The following CACNA1B variants were observed in gnomAD, a reference collection of about 807,000 sequenced individuals.
CACNA1B encodes the protein voltage-dependent N-type calcium channel subunit alpha-1B.
Under a neutral mutation model 247.2 loss-of-function variants are expected in CACNA1B, and 70 were observed. The observed-to-expected ratio is 0.28, with a 90% CI of 0.23 to 0.35. The LOEUF (loss-of-function observed/expected upper bound fraction) is 0.35. Ranked by LOEUF, CACNA1B falls within the 10% of genes least tolerant of loss-of-function variation. CACNA1B has a pLI of 1.00. For missense variants in CACNA1B, 2,367 were observed against 3,197.4 expected, an observed-to-expected ratio of 0.74 and a Z score of 6.26; for synonymous variants, 1,231 against 1,294.4, an observed-to-expected ratio of 0.95 and a Z score of 1.05.
chr9:138,033,035 T>C (rs1959004062), intron 20 of CACNA1B, among the ~76,000 whole-genome samples: 1 of 152,200 alleles, frequency 6.6e-6, no homozygotes, highest in Non-Finnish European at 1.5e-5. Flanking sequence ...TCTTTTGTTA[T>C]AGTCCCAAAG....
At chr9:137,904,513 T>C (rs1348731474) in intron 3 of CACNA1B, among the ~76,000 whole-genome samples, 1 of 151,846 alleles carries the variant, frequency 6.6e-6, no homozygotes, top group African/African-American at 2.4e-5. Flanking sequence ...TACAGGTGTG[T>C]GCCACCATGC....
chr9:137,908,672 C>T (rs1957324086), intron 3 of CACNA1B, among the ~76,000 whole-genome samples: 1 of 151,862 alleles, frequency 6.6e-6, no homozygotes, highest in Admixed American at 6.6e-5. Flanking sequence ...GCTCTGTCGC[C>T]CAGGCTTGAC....
intron 42 of CACNA1B, among the ~76,000 whole-genome samples, chr9:138,117,319 A>G (rs2606358): frequency 0.5 from 75,307 of 151,748 alleles, 19,887 homozygotes; most frequent in Non-Finnish European, 0.57. Context: ...AGGAGCCACC[A>G]GCAAGGGACC....
chr9:137,977,977 C>T (rs769977748), intron 12 of CACNA1B, among the ~76,000 whole-genome samples: 20 of 145,384 alleles, frequency 1.4e-4, no homozygotes, highest in Non-Finnish European at 2.3e-4. Context: ...GGAGTACTAC[C>T]CTCCCTCCCA....
chr9:137,913,306 G>A lies in CACNA1B; in HGVS notation c.622+35G>A. 6.6e-7 allele frequency: 1 copy of A among 1,523,282 alleles called. No homozygotes were observed. Among genetic ancestry groups the A allele is most frequent in the Non-Finnish European group, 9.1e-7 (1 of 1,098,298 alleles). The allele number at this position is 1,523,282 out of a possible 1,614,324, so 94.4% of individuals were successfully genotyped here. A position where few individuals can be genotyped will look rare whatever the true frequency, so the allele number is the denominator to read the frequency against. On this transcript the variant is annotated intron_variant, in intron 4 of 46. Coordinates refer to ENST00000371372, the MANE Select transcript of CACNA1B (RefSeq NM_000718.4). This position sits in a 1 kb window ranked among gnomAD's most constrained non-coding sequence, Gnocchi z 5.2. ...GCGAAGACAGGCCCAAGCCGGCTTG[G>A]AGTAACAACCTCCTCTCCTACCCTC...
At chr9:137,921,157 T>C (rs1037574109) in intron 6 of CACNA1B, among the ~76,000 whole-genome samples, 3 of 152,204 alleles carry the variant, frequency 2.0e-5, no homozygotes, top group Non-Finnish European at 4.4e-5. Context: ...CCAAGGCTGA[T>C]ACTGGGGAGA....
In CACNA1B at chr9:138,023,764, G is replaced by C. The variant is rs1304722594; in HGVS notation, c.3021G>C (p.Glu1007Asp). ...AGGAGGCCACGGAGAAGGAGGCTGA[G>C]ATAGTGGAAGCCGACAAGGAAAAGG... ...TEKEATEKEA[E>D]IVEADKEKEL... Residue 1007 changes from glutamate (E) to aspartate (D), a missense_variant, in exon 19 of 47, where the codon GAG (glutamate) becomes GAC (aspartate). By Grantham distance (45) the Glu-to-Asp change is conservative. Around this residue, in one of 12 missense-constraint regions of CACNA1B, gnomAD observed 631 missense variants for 631.1 expected, o/e 1.00. Transcript: ENST00000371372. 2 of 1,518,390 alleles carry C rather than the reference G, an allele frequency of 1.3e-6. No homozygotes were observed. The highest frequency in any genetic ancestry group is 1.8e-6 in the Non-Finnish European group (2 of 1,119,184). The allele number at this position is 1,518,390 out of a possible 1,614,324, so 94.1% of individuals were successfully genotyped here.
intron 1 of CACNA1B, 70 bp from the exon 2 acceptor site, chr9:137,878,984 G>T: frequency 1.0e-6 from 1 of 967,344 alleles, no homozygotes. Context: ...CTGCTGCACT[G>T]GGCTCTGCTG....
In CACNA1B at chr9:138,112,215, G is replaced by A. The variant is rs9918955; in HGVS notation, c.5429-183G>A. 0.032 allele frequency among the ~76,000 whole-genome samples: 4,899 copies of A among 152,156 alleles called. 216 individuals are homozygous for A. Among genetic ancestry groups the A allele is most frequent in the East Asian group, 0.21 (1,071 of 5,142 alleles). ...CTCTGGGCAGACTCGCAGCAGGGAG[G>A]GCTGTGAGCAGCTTCTGCATCAGCG... On this transcript the variant is annotated intron_variant, in intron 39 of 46. Transcript: ENST00000371372.
intron 41 of CACNA1B, 102 bp from the exon 42 acceptor site, chr9:138,115,450 C>T: frequency 2.3e-6 from 3 of 1,283,566 alleles, no homozygotes; most frequent in Non-Finnish European, 2.1e-6. Context: ...TGGGCTTGAA[C>T]ATGACCTGGC....
rs199628244 is a variant in CACNA1B, at chr9:137,914,852, C to T, written c.775+46C>T. On this transcript the variant is annotated intron_variant, in intron 5 of 46. Transcript: ENST00000371372. The surrounding 1 kb of genome is among the most constrained non-coding windows in gnomAD (Gnocchi z 4.3). ...CCAGCACAGGCAAGTGCCACGGATG[C>T]GTTCATCCAGGAGATGGGCACTGTT... The T allele has an allele frequency of 4.4e-6, 7 of 1,603,028 alleles. No individual in the cohort carries two copies. Among genetic ancestry groups the T allele is most frequent in the African/African-American group, 2.7e-5 (2 of 74,834 alleles).
intron 36 of CACNA1B, among the ~76,000 whole-genome samples, chr9:138,087,032 T>C (rs1365666721): frequency 1.3e-5 from 2 of 151,118 alleles, no homozygotes. Flanking sequence ...ATTGTACAAA[T>C]TCATGAAAAT....
At chr9:138,083,995 C>A (rs761558455) in intron 36 of CACNA1B, among the ~76,000 whole-genome samples, 3 of 150,932 alleles carry the variant, frequency 2.0e-5, no homozygotes, top group Non-Finnish European at 4.4e-5. Flanking sequence ...CTGTATCCAA[C>A]TTCTCAGGCC....
intron 3 of CACNA1B, among the ~76,000 whole-genome samples, chr9:137,911,803 C>G (rs1044177598): frequency 6.6e-6 from 1 of 152,208 alleles, no homozygotes; most frequent in Non-Finnish European, 1.5e-5. Context: ...ATCACAAAGC[C>G]TTCGCCAAGA....
chr9:138,093,859 G>A (rs1960965490), intron 36 of CACNA1B, among the ~76,000 whole-genome samples: 4 of 152,176 alleles, frequency 2.6e-5, no homozygotes, highest in Non-Finnish European at 5.9e-5. Flanking sequence ...AAAATAGTAT[G>A]ATAGTTCCTC....
chr9:138,043,148 G>T lies in CACNA1B; in HGVS notation c.3287-626G>T, dbSNP rs549847638. ...GAGTTTGATTTGTGGGAGCACAGCT[G>T]GGGTGTGGTGGGGTGCTGAGCGGTA... On this transcript the variant is annotated intron_variant, in intron 20 of 46. Transcript: ENST00000371372. Among the ~76,000 whole-genome samples, 236 of 152,324 alleles carry T rather than the reference G, an allele frequency of 1.5e-3. 1 individual carries two copies. The highest frequency in any genetic ancestry group is 4.9e-3 in the African/African-American group (205 of 41,568).
rs1959533263 is a variant in CACNA1B, at chr9:138,057,073, C to T, written c.3969-659C>T. 6.6e-6 allele frequency among the ~76,000 whole-genome samples: 1 copy of T among 151,194 alleles called. No homozygotes were observed. Among genetic ancestry groups the T allele is most frequent in the Admixed American group, 6.6e-5 (1 of 15,170 alleles). On this transcript the variant is annotated intron_variant, in intron 26 of 46. Transcript: ENST00000371372. This position sits in a 1 kb window ranked among gnomAD's most constrained non-coding sequence, Gnocchi z 4.0. ...GCCTCAGCCTCCCGAGTAGCTGGGA[C>T]TATAGGCGCCCGCCACCACGCCCGG...
At chr9:138,112,149 C>T (rs1219910850) in intron 39 of CACNA1B, among the ~76,000 whole-genome samples, 3 of 124,390 alleles carry the variant, frequency 2.4e-5, no homozygotes, top group African/African-American at 8.3e-5. Context: ...CGGACACACA[C>T]GTGTGCACAT....
chr9:138,028,549 C>T (rs1958949929), intron 20 of CACNA1B, among the ~76,000 whole-genome samples: 1 of 152,176 alleles, frequency 6.6e-6, no homozygotes, highest in South Asian at 2.1e-4. Flanking sequence ...TCAAAAACAT[C>T]CATACGATTC....
Sources: allele counts gnomAD v4.1 joint callset (sites outside exome capture counted in the v4.1 genomes callset), GRCh38; gene constraint gnomAD v4.1.1; regional missense constraint gnomAD v4.1.1; non-coding constraint Gnocchi (gnomAD v3.1); transcripts MANE v1.5; gene names NCBI Gene and HGNC (gene_info 2026-07-23, HGNC 2026-07-21).